The following SDK1 variants were observed in gnomAD, a reference collection of about 807,000 sequenced individuals.
SDK1 encodes protein sidekick-1.
A neutral mutation model predicts 245.5 loss-of-function variants in SDK1; 157 were observed. The observed-to-expected ratio is 0.64, with a 90% CI of 0.56 to 0.73. SDK1 has a LOEUF of 0.73. Among genes scored for constraint, SDK1 ranks in the 30% least tolerant of loss-of-function variants. The pLI is 0.00. For missense variants in SDK1, 3,583 were observed against 3,002.3 expected (o/e 1.19, Z -4.52); for synonymous variants, 1,647 against 1,278.5 (o/e 1.29, Z -6.15).
At chr7:3,510,679 T>G (rs1449367651) in intron 1 of SDK1, among the ~76,000 whole-genome samples, 1 of 152,096 alleles carries the variant, frequency 6.6e-6, no homozygotes, top group Non-Finnish European at 1.5e-5. Flanking sequence ...AAAGGTGGTC[T>G]TATTATACAG....
chr7:3,307,079 A>G (rs1443099710), intron 1 of SDK1, among the ~76,000 whole-genome samples: 1 of 152,178 alleles, frequency 6.6e-6, no homozygotes, highest in Non-Finnish European at 1.5e-5. Flanking sequence ...AAAGAAAGCT[A>G]TTGATGTTTT....
intron 1 of SDK1, among the ~76,000 whole-genome samples, chr7:3,455,879 T>G (rs180982389): frequency 1.7e-3 from 259 of 152,356 alleles, no homozygotes; most frequent in African/African-American, 6.1e-3. Flanking sequence ...GGAGTTGACA[T>G]TCTATAAGGT....
At chr7:3,920,618 G>A in intron 5 of SDK1, among the ~76,000 whole-genome samples, 2 of 152,164 alleles carry the variant, frequency 1.3e-5, no homozygotes, top group East Asian at 3.8e-4. Flanking sequence ...TAGCTGCCAA[G>A]ATGGAACTAT....
At chr7:3,939,615 C>T (rs1234608988) in intron 5 of SDK1, among the ~76,000 whole-genome samples, 1 of 152,106 alleles carries the variant, frequency 6.6e-6, no homozygotes, top group Admixed American at 6.5e-5. Context: ...GCACGTCTTT[C>T]ACTTTGGACA....
chr7:3,911,257 C>G (rs1779153494), intron 5 of SDK1, among the ~76,000 whole-genome samples: 1 of 152,136 alleles, frequency 6.6e-6, no homozygotes, highest in South Asian at 2.1e-4. Flanking sequence ...CTTCTTTGTC[C>G]TCTAGATCCT....
intron 1 of SDK1, among the ~76,000 whole-genome samples, chr7:3,552,722 A>C (rs778179113): frequency 2.6e-4 from 39 of 152,202 alleles, no homozygotes; most frequent in Non-Finnish European, 4.9e-4. Flanking sequence ...TTTGCTAATT[A>C]GGTCATTCTA....
chr7:3,470,058 A>G (rs190041221), intron 1 of SDK1, among the ~76,000 whole-genome samples: 23 of 152,236 alleles, frequency 1.5e-4, no homozygotes, highest in African/African-American at 5.1e-4. Flanking sequence ...CATATTTAAC[A>G]CTAGCAGGGT....
chr7:4,029,499 C>G (rs1787624107), intron 17 of SDK1, among the ~76,000 whole-genome samples: 1 of 151,152 alleles, frequency 6.6e-6, no homozygotes, highest in Non-Finnish European at 1.5e-5. Flanking sequence ...GTGTTAGCCA[C>G]TATGCCCTGC....
chr7:3,656,629 G>T (rs1365785836), intron 4 of SDK1, among the ~76,000 whole-genome samples: 1 of 152,156 alleles, frequency 6.6e-6, no homozygotes, highest in East Asian at 1.9e-4. Context: ...CTGTACCCCT[G>T]TGGAAAGCCA....
intron 1 of SDK1, among the ~76,000 whole-genome samples, chr7:3,456,652 C>T (rs1583884835): frequency 6.6e-6 from 1 of 152,030 alleles, no homozygotes; most frequent in African/African-American, 2.4e-5. Flanking sequence ...TTTGTGATGG[C>T]TGCTTTAAAA....
At chr7:4,190,304 C>T (rs893627012) in intron 35 of SDK1, among the ~76,000 whole-genome samples, 7 of 152,146 alleles carry the variant, frequency 4.6e-5, no homozygotes, top group Non-Finnish European at 1.0e-4. Context: ...CAACTGATGC[C>T]GGTGGGCTGT....
At chr7:4,092,732 C>T (rs970083898) in intron 22 of SDK1, among the ~76,000 whole-genome samples, 4 of 152,206 alleles carry the variant, frequency 2.6e-5, no homozygotes, top group South Asian at 2.1e-4. Context: ...TCTGCTGGGG[C>T]GCCGGGAGGA....
At chr7:3,547,685 C>A (rs1461375290) in intron 1 of SDK1, among the ~76,000 whole-genome samples, 1 of 152,188 alleles carries the variant, frequency 6.6e-6, no homozygotes, top group Non-Finnish European at 1.5e-5. Flanking sequence ...CTGTAGATCA[C>A]TGTTAATGTT....
intron 1 of SDK1, among the ~76,000 whole-genome samples, chr7:3,385,610 C>A (rs1781591825): frequency 1.3e-5 from 2 of 152,122 alleles, no homozygotes; most frequent in African/African-American, 4.8e-5. Flanking sequence ...CCATTTCTTT[C>A]CATCTTATTT....
intron 1 of SDK1, among the ~76,000 whole-genome samples, chr7:3,405,851 C>T (rs1381061845): frequency 6.5e-5 from 8 of 122,264 alleles, no homozygotes; most frequent in African/African-American, 1.3e-4. Flanking sequence ...CTTGCTTTGT[C>T]GCCCAGGCTA....
At chr7:3,991,270 G>A (rs1490562669) in intron 14 of SDK1, among the ~76,000 whole-genome samples, 2 of 152,154 alleles carry the variant, frequency 1.3e-5, no homozygotes, top group Non-Finnish European at 2.9e-5. Context: ...GATGGGGCTG[G>A]GGCGTTGCTG....
intron 1 of SDK1, among the ~76,000 whole-genome samples, chr7:3,446,402 C>T (rs73293185): frequency 2.6e-4 from 40 of 152,144 alleles, no homozygotes; most frequent in South Asian, 8.3e-4. Context: ...CATACAATTG[C>T]GGAAAGTTGG....
chr7:3,512,954 T>C (rs1047733904), intron 1 of SDK1, among the ~76,000 whole-genome samples: 1 of 152,182 alleles, frequency 6.6e-6, no homozygotes, highest in Admixed American at 6.6e-5. Context: ...TGCAAAATTA[T>C]AAACAATATT....
Position 4,266,193 on chromosome 7 carries a change from C to T in SDK1, c.*809C>T, listed in dbSNP as rs73671409. The T allele has an allele frequency of 5.7e-3, 5,598 of 985,486 alleles. 163 individuals carry two copies. The African/African-American group carries it at 0.067, about 12-fold the overall frequency. 61.0% of individuals were successfully genotyped at this position (985,486 alleles called of 1,614,324 possible). ...GTCAACTCCGCGGGACACGAGGACA[C>T]GGGACGGCGTCTCCAGAATTGCTTG... On this transcript the variant is annotated 3_prime_UTR_variant, in exon 45 of 45. Transcript: ENST00000404826.
Sources: allele counts gnomAD v4.1 joint callset (sites outside exome capture counted in the v4.1 genomes callset), GRCh38; gene constraint gnomAD v4.1.1; transcripts MANE v1.5; gene names NCBI Gene and HGNC (gene_info 2026-07-23, HGNC 2026-07-21).